The following GAB1 variants were observed in gnomAD, a reference collection of about 807,000 sequenced individuals.
GAB1 encodes GRB2-associated-binding protein 1.
GAB1 carries 19 observed loss-of-function variants against 66.5 expected under a neutral mutation model. The ratio of observed to expected loss-of-function variants is 0.29; its 90% CI spans 0.20 to 0.42. The LOEUF is 0.42. GAB1 is among the 10% of genes least tolerant of loss of function. The pLI, the probability that GAB1 is intolerant of heterozygous loss-of-function variation, is 1.00. For missense variants in GAB1, 732 were observed against 858.5 expected, an observed-to-expected ratio of 0.85 and a Z score of 1.84; for synonymous variants, 294 against 301.4, an observed-to-expected ratio of 0.98 and a Z score of 0.25.
intron 1 of GAB1, among the ~76,000 whole-genome samples, chr4:143,377,368 G>A (rs1168398507): frequency 6.6e-6 from 1 of 151,990 alleles, no homozygotes; most frequent in Non-Finnish European, 1.5e-5. Context: ...TTTGTTTCTT[G>A]TATCTTAAAC....
intron 2 of GAB1, among the ~76,000 whole-genome samples, chr4:143,420,241 A>G (rs1402819749): frequency 6.6e-6 from 1 of 152,116 alleles, no homozygotes; most frequent in Non-Finnish European, 1.5e-5. Flanking sequence ...TAATTTTTTT[A>G]CTATGCTAAT....
intron 6 of GAB1, among the ~76,000 whole-genome samples, chr4:143,453,455 G>A (rs1735026138): frequency 6.6e-6 from 1 of 152,088 alleles, no homozygotes; most frequent in African/African-American, 2.4e-5. Flanking sequence ...GCTCATACGA[G>A]TCTCCTTGGA....
In GAB1 at chr4:143,459,378, T is replaced by G; in HGVS notation, c.1586-7T>G. ...CTAAAAATCTCTTTTTCTCTTTTTCTTTTCAGTCAAGCCAGCGCCTTTAGA... is the reference window on the plus strand; with the variant it reads ...CTAAAAATCTCTTTTTCTCTTTTTCGTTTCAGTCAAGCCAGCGCCTTTAGA... On this transcript the variant is annotated splice_region_variant and splice_polypyrimidine_tract_variant and intron_variant, in intron 6 of 9. Coordinates refer to ENST00000262994, the MANE Select transcript of GAB1 (RefSeq NM_002039.4). 1 of 1,570,266 alleles carries G rather than the reference T, an allele frequency of 6.4e-7. No homozygotes were observed. The highest frequency in any genetic ancestry group is 1.1e-5 in the South Asian group (1 of 89,952).
chr4:143,376,803 C>A (rs1392529070), intron 1 of GAB1: 1 of 152,164 alleles, frequency 6.6e-6, no homozygotes. Context: ...CAGCTTTAAA[C>A]AGGTTTATGT....
intron 4 of GAB1, among the ~76,000 whole-genome samples, chr4:143,438,853 C>T (rs1448394430): frequency 1.3e-5 from 2 of 152,198 alleles, no homozygotes; most frequent in South Asian, 4.2e-4. Flanking sequence ...GTGCCCTTCT[C>T]TCTCCCACTT....
chr4:143,355,476 A>G (rs1354514107), intron 1 of GAB1, among the ~76,000 whole-genome samples: 1 of 152,110 alleles, frequency 6.6e-6, no homozygotes, highest in African/African-American at 2.4e-5. Flanking sequence ...GACCATCTTA[A>G]TCATTTTTAA....
At chr4:143,351,813 T>C (rs987532616) in intron 1 of GAB1, among the ~76,000 whole-genome samples, 1 of 152,254 alleles carries the variant, frequency 6.6e-6, no homozygotes, top group Non-Finnish European at 1.5e-5. Flanking sequence ...AAACACTCTA[T>C]TGCACAGATT....
At chr4:143,440,434 A>G (rs1560772808) in intron 6 of GAB1, 52 bp downstream of exon 6, 4 of 1,467,804 alleles carry the variant, frequency 2.7e-6, no homozygotes, top group East Asian at 2.3e-5. Context: ...AGTTAGATCT[A>G]TCTTTAACTG....
intron 6 of GAB1, among the ~76,000 whole-genome samples, chr4:143,457,928 A>G (rs749448098): frequency 4.6e-5 from 7 of 152,166 alleles, no homozygotes; most frequent in Non-Finnish European, 8.8e-5. Context: ...TTCCCATAAT[A>G]CACAATGAGT....
At chr4:143,403,468 G>C (rs1041962585) in intron 1 of GAB1, among the ~76,000 whole-genome samples, 15 of 152,106 alleles carry the variant, frequency 9.9e-5, no homozygotes, top group African/African-American at 3.6e-4. Context: ...CCATAAAATG[G>C]GCAAGATGGC....
intron 2 of GAB1, among the ~76,000 whole-genome samples, chr4:143,432,403 C>T (rs539401759): frequency 1.3e-5 from 2 of 152,096 alleles, no homozygotes; most frequent in Admixed American, 6.5e-5. Flanking sequence ...GGTTTTGTCA[C>T]GTGACCAGGA....
At chr4:143,392,746 G>A (rs1186812872) in intron 1 of GAB1, among the ~76,000 whole-genome samples, 4 of 152,102 alleles carry the variant, frequency 2.6e-5, no homozygotes, top group African/African-American at 9.7e-5. Context: ...AAGGGACTTT[G>A]AAGAAGAATG....
chr4:143,424,654 T>A (rs923321245), intron 2 of GAB1: 4 of 156,882 alleles, frequency 2.5e-5, no homozygotes, highest in African/African-American at 9.7e-5. Context: ...TTTTTATTCT[T>A]ATGTTTATAT....
chr4:143,399,232 A>G (rs992363269), intron 1 of GAB1, among the ~76,000 whole-genome samples: 3 of 152,222 alleles, frequency 2.0e-5, no homozygotes, highest in African/African-American at 7.2e-5. Flanking sequence ...TTGTCTTCTT[A>G]AATATTAAGA....
intron 3 of GAB1, among the ~76,000 whole-genome samples, chr4:143,435,303 T>C (rs1733889260): frequency 6.6e-6 from 1 of 152,196 alleles, no homozygotes; most frequent in Non-Finnish European, 1.5e-5. Flanking sequence ...AATTTATAAA[T>C]CAACATTTGT....
chr4:143,420,007 T>C (rs930140634), intron 2 of GAB1, among the ~76,000 whole-genome samples: 1 of 152,160 alleles, frequency 6.6e-6, no homozygotes, highest in Admixed American at 6.5e-5. Context: ...TGTAATCATA[T>C]TCATACAGTT....
intron 2 of GAB1, among the ~76,000 whole-genome samples, chr4:143,423,541 C>CA (rs971702067): frequency 1.3e-5 from 2 of 151,366 alleles, no homozygotes; most frequent in Admixed American, 6.6e-5. Context: ...ACTAAAAATA[C>CA]AAAAAAATTA....
At chr4:143,468,258 A>G (rs1735903005) in intron 9 of GAB1, among the ~76,000 whole-genome samples, 1 of 119,552 alleles carries the variant, frequency 8.4e-6, no homozygotes, top group Admixed American at 1.2e-4. Context: ...TCTGTTGCCC[A>G]GGCTGCAGTG....
rs1241105535 is a variant in GAB1, at chr4:143,472,428, C to A, written c.*3239C>A. The A allele has an allele frequency of 6.6e-6, 1 of 152,110 alleles. No homozygotes were observed. The highest frequency in any genetic ancestry group is 1.5e-5 in the Non-Finnish European group (1 of 68,022). 9.4% of individuals were successfully genotyped at this position (152,110 alleles called of 1,614,324 possible). On this transcript the variant is annotated 3_prime_UTR_variant, in exon 10 of 10. Transcript: ENST00000262994. Reference sequence around the variant, plus strand: ...GTCTTCCTTCATAAATGCATTTAAACCTGAAATTGAACACCAGTGTTTTTC... The same window carrying A: ...GTCTTCCTTCATAAATGCATTTAAAACTGAAATTGAACACCAGTGTTTTTC...
Sources: allele counts gnomAD v4.1 joint callset (sites outside exome capture counted in the v4.1 genomes callset), GRCh38; gene constraint gnomAD v4.1.1; transcripts MANE v1.5; gene names NCBI Gene and HGNC (gene_info 2026-07-23, HGNC 2026-07-21).